C16orf74: variants seen among roughly 807,000 people sequenced by gnomAD.
The protein encoded by C16orf74 is uncharacterized protein C16orf74.
C16orf74 carries 10 observed loss-of-function variants against 6.5 expected under a neutral mutation model. That is an observed-to-expected ratio of 1.54 (90% CI 0.95 to 2.61). C16orf74 has a LOEUF of 2.61. Among genes scored for constraint, C16orf74 ranks in the 30% most tolerant of loss-of-function variants. The pLI is 0.00. For synonymous variants in C16orf74, 60 were observed against 42.5 expected (o/e 1.41, Z -1.60); for missense variants, 141 against 105.9 (o/e 1.33, Z -1.45).
intron 1 of C16orf74, among the ~76,000 whole-genome samples, chr16:85,735,707 G>C (rs1013766404): frequency 1.3e-5 from 2 of 151,458 alleles, no homozygotes; most frequent in Non-Finnish European, 2.9e-5. Context: ...CCCTAATGCA[G>C]GTTCTTTGGA....
At chr16:85,711,175 G>C (rs1436540908) in intron 2 of C16orf74, among the ~76,000 whole-genome samples, 1 of 151,916 alleles carries the variant, frequency 6.6e-6, no homozygotes, top group Non-Finnish European at 1.5e-5. Flanking sequence ...TTAGCCCGGT[G>C]TGGTGGCACA....
chr16:85,745,347 C>T (rs58079195), intron 1 of C16orf74, among the ~76,000 whole-genome samples: 1 of 152,258 alleles, frequency 6.6e-6, no homozygotes, highest in African/African-American at 2.4e-5. Context: ...TCTCCAGGGA[C>T]AGGTCCCACT....
chr16:85,715,062 C>T (rs1405767132), intron 2 of C16orf74, among the ~76,000 whole-genome samples: 1 of 150,886 alleles, frequency 6.6e-6, no homozygotes, highest in Non-Finnish European at 1.5e-5. Context: ...GAGGCTGAGG[C>T]AGGAGAATGG....
At chr16:85,716,149 C>T (rs544732588) in intron 2 of C16orf74, among the ~76,000 whole-genome samples, 3 of 152,126 alleles carry the variant, frequency 2.0e-5, no homozygotes, top group African/African-American at 4.8e-5. Flanking sequence ...TGCATTTTAA[C>T]GTGGTCTGGA....
At chr16:85,740,446 T>C (rs1427302039) in intron 1 of C16orf74, among the ~76,000 whole-genome samples, 1 of 151,658 alleles carries the variant, frequency 6.6e-6, no homozygotes, top group African/African-American at 2.4e-5. Flanking sequence ...CTCACGCCTG[T>C]AATCCCAGCA....
At chr16:85,739,373 T>A (rs1335967354) in intron 1 of C16orf74, among the ~76,000 whole-genome samples, 1 of 152,170 alleles carries the variant, frequency 6.6e-6, no homozygotes, top group African/African-American at 2.4e-5. Flanking sequence ...ACCCGGTGGA[T>A]TTTGACATGT....
At chr16:85,738,088 T>C (rs541737450) in intron 1 of C16orf74, among the ~76,000 whole-genome samples, 7 of 151,796 alleles carry the variant, frequency 4.6e-5, no homozygotes, top group African/African-American at 1.7e-4. Context: ...TAAAACATTT[T>C]TAAAAAATTA....
chr16:85,731,558 G>A (rs747196077), intron 2 of C16orf74, among the ~76,000 whole-genome samples: 60 of 152,310 alleles, frequency 3.9e-4, no homozygotes, highest in Middle Eastern at 3.4e-3. Flanking sequence ...CCTGGGCAGC[G>A]TGTAGTGTTG....
chr16:85,712,807 G>C (rs1294101652), intron 2 of C16orf74, among the ~76,000 whole-genome samples: 1 of 152,196 alleles, frequency 6.6e-6, no homozygotes, highest in Admixed American at 6.5e-5. Context: ...GTTTCTGAGA[G>C]GTGCTCTCTA....
intron 2 of C16orf74, among the ~76,000 whole-genome samples, chr16:85,711,775 C>T (rs1038450330): frequency 1.3e-5 from 2 of 152,140 alleles, no homozygotes; most frequent in African/African-American, 2.4e-5. Context: ...AGTATCAGAG[C>T]CCCTGACCAA....
chr16:85,740,429 G>A (rs551477155), intron 1 of C16orf74, among the ~76,000 whole-genome samples: 5 of 151,188 alleles, frequency 3.3e-5, no homozygotes, highest in East Asian at 3.9e-4. Flanking sequence ...GTGGCCGGGC[G>A]CGGTGGCTCA....
At chr16:85,744,622 A>T (rs1457292971) in intron 1 of C16orf74, among the ~76,000 whole-genome samples, 1 of 151,794 alleles carries the variant, frequency 6.6e-6, no homozygotes, top group Non-Finnish European at 1.5e-5. Flanking sequence ...CGAGGTCAGG[A>T]GATCGAGACC....
At chr16:85,716,945 C>T (rs1195687995) in intron 2 of C16orf74, among the ~76,000 whole-genome samples, 2 of 152,210 alleles carry the variant, frequency 1.3e-5, no homozygotes, top group Admixed American at 1.3e-4. Flanking sequence ...TATTAAAAGC[C>T]TATTTCCTGA....
chr16:85,730,549 A>C (rs1598797044), intron 2 of C16orf74, among the ~76,000 whole-genome samples: 1 of 113,594 alleles, frequency 8.8e-6, no homozygotes, highest in Non-Finnish European at 1.8e-5. Context: ...CAGCCACTGA[A>C]CCCCCACATC....
intron 1 of C16orf74, among the ~76,000 whole-genome samples, chr16:85,741,328 T>C (rs1434843583): frequency 6.6e-6 from 1 of 151,794 alleles, no homozygotes; most frequent in Non-Finnish European, 1.5e-5. Context: ...AACTGACAGG[T>C]TTTCTCTGAA....
chr16:85,747,214 C>G (rs1324146722), intron 1 of C16orf74, among the ~76,000 whole-genome samples: 1 of 152,074 alleles, frequency 6.6e-6, no homozygotes. Flanking sequence ...CATTATACAT[C>G]AATAAAAACA....
At chr16:85,713,739 C>T (rs915173708) in intron 2 of C16orf74, among the ~76,000 whole-genome samples, 7 of 144,964 alleles carry the variant, frequency 4.8e-5, no homozygotes, top group East Asian at 4.2e-4. Flanking sequence ...TTGGAAGACA[C>T]GGTTCAATCC....
chr16:85,738,365 C>A (rs2054267665), intron 1 of C16orf74, among the ~76,000 whole-genome samples: 1 of 145,862 alleles, frequency 6.9e-6, no homozygotes, highest in Non-Finnish European at 1.5e-5. Flanking sequence ...CACTCTGTTG[C>A]CCAGGCTGGA....
intron 1 of C16orf74, among the ~76,000 whole-genome samples, chr16:85,745,831 C>G (rs2054367636): frequency 6.6e-6 from 1 of 152,196 alleles, no homozygotes; most frequent in Admixed American, 6.5e-5. Context: ...TGGAGGGACC[C>G]TGCTTTTCAA....
Sources: allele counts gnomAD v4.1 joint callset (sites outside exome capture counted in the v4.1 genomes callset), GRCh38; gene constraint gnomAD v4.1.1; transcripts MANE v1.5; gene names NCBI Gene and HGNC (gene_info 2026-07-23, HGNC 2026-07-21).